CDH4: variants seen among roughly 807,000 people sequenced by gnomAD.
The protein encoded by CDH4 is cadherin-4.
In CDH4, 33 loss-of-function variants were observed where a neutral mutation model predicts 86.0. The ratio of observed to expected loss-of-function variants is 0.38; its 90% CI spans 0.29 to 0.51. The LOEUF (loss-of-function observed/expected upper bound fraction) is 0.51, where lower values mean the gene tolerates loss of function less well. CDH4 is among the 20% of genes least tolerant of loss of function. The pLI is 0.86. For synonymous variants in CDH4, 555 were observed against 549.4 expected (o/e 1.01, Z -0.14); for missense variants, 1,114 against 1,307.4 (o/e 0.85, Z 2.28).
chr20:61,667,199 G>C (rs1019584371), intron 2 of CDH4, among the ~76,000 whole-genome samples: 6 of 152,238 alleles, frequency 3.9e-5, no homozygotes, highest in African/African-American at 1.4e-4. Context: ...GGAGCATGGG[G>C]CCACCCCACC....
rs1458755217 is a variant in CDH4 at position 61,709,921 on chromosome 20, GT to G, written c.170-33635del. Reference sequence around the variant, plus strand: ...CGTCTGTTTTTGTAGCCGTGTGAGAGTTTTTTTCATTAGCGGGATCGGGCAA... The same window carrying G: ...CGTCTGTTTTTGTAGCCGTGTGAGAGTTTTTTCATTAGCGGGATCGGGCAA... On this transcript the variant is annotated intron_variant, in intron 2 of 15. Coordinates refer to ENST00000614565, the MANE Select transcript of CDH4 (RefSeq NM_001794.5). The surrounding 1 kb of genome is among the most constrained non-coding windows in gnomAD (Gnocchi z 4.8). Among the ~76,000 whole-genome samples, 4 of 152,154 alleles carry G rather than the reference GT, an allele frequency of 2.6e-5. No homozygotes were observed. Among genetic ancestry groups the G allele is most frequent in the South Asian group, 2.1e-4 (1 of 4,818 alleles).
intron 2 of CDH4, among the ~76,000 whole-genome samples, chr20:61,692,379 A>G (rs900839060): frequency 3.3e-5 from 5 of 152,160 alleles, no homozygotes; most frequent in Non-Finnish European, 7.3e-5. Context: ...TCAGAGGAAT[A>G]TTTATTATTT....
chr20:61,864,368 G>A (rs1983453847), intron 6 of CDH4, among the ~76,000 whole-genome samples: 1 of 152,222 alleles, frequency 6.6e-6, no homozygotes, highest in Non-Finnish European at 1.5e-5. Flanking sequence ...GAGAAGCCTG[G>A]GGAACCCCCT....
intron 2 of CDH4, among the ~76,000 whole-genome samples, chr20:61,470,470 A>G (rs934971346): frequency 1.3e-5 from 2 of 152,192 alleles, no homozygotes; most frequent in Admixed American, 6.5e-5. Context: ...GTATAAGATC[A>G]TATCATCTGC....
intron 2 of CDH4, chr20:61,719,657 C>T (rs2088008588): frequency 6.4e-6 from 1 of 155,816 alleles, no homozygotes; most frequent in Non-Finnish European, 1.4e-5. Context: ...CCAATGTCCC[C>T]CCAGAAGAGA....
In CDH4 at chr20:61,923,631, G is replaced by A. The variant is rs1175052340; in HGVS notation, c.1555G>A (p.Gly519Ser). The A allele has an allele frequency of 1.2e-6, 2 of 1,614,134 alleles. No homozygotes were observed. The highest frequency in any genetic ancestry group is 1.6e-4 in the Middle Eastern group (1 of 6,062). Residue 519 changes from glycine to serine, a missense_variant, in exon 10 of 16, where the codon GGC becomes AGC. Physicochemically the swap from Gly to Ser is moderately conservative, Grantham distance 56. Transcript: ENST00000614565. ...SNHKLIRLEEGVPPGTVLTTF... is the reference protein window; with the variant it reads ...SNHKLIRLEESVPPGTVLTTF... ...CCACAAGCTGATCCGCCTGGAGGAG[G>A]GCGTGCCCCCCGGCACCGTGCTGAC...
At position 61,796,242 on chromosome 20, in the gene CDH4, G is replaced by A. The variant is rs112640458; in HGVS notation, c.576+23060G>A. On this transcript the variant is annotated intron_variant, in intron 4 of 15. Transcript: ENST00000614565. ...TTCAGAGAGGCTGAGTGACTCCCCT[G>A]AGGCCACACAGCCAGGAATCTCCAG... Among the ~76,000 whole-genome samples, 73 of 152,218 alleles carry A rather than the reference G, an allele frequency of 4.8e-4. 1 individual carries two copies. The highest frequency in any genetic ancestry group is 1.7e-3 in the African/African-American group (70 of 41,546).
intron 2 of CDH4, among the ~76,000 whole-genome samples, chr20:61,713,186 C>G (rs781253383): frequency 2.0e-5 from 3 of 152,226 alleles, no homozygotes; most frequent in Non-Finnish European, 4.4e-5. Flanking sequence ...TGTATCTGCA[C>G]ATCCTCACAA....
intron 9 of CDH4, among the ~76,000 whole-genome samples, chr20:61,911,273 A>T (rs1335225647): frequency 6.6e-6 from 1 of 152,176 alleles, no homozygotes; most frequent in Non-Finnish European, 1.5e-5. Flanking sequence ...TTGGTCAGAT[A>T]TGTTCTTCTA....
intron 2 of CDH4, among the ~76,000 whole-genome samples, chr20:61,578,971 C>T (rs2086405066): frequency 6.6e-6 from 1 of 152,132 alleles, no homozygotes; most frequent in African/African-American, 2.4e-5. Context: ...CTTTCCAGTA[C>T]CCCTGGGCTG....
chr20:61,686,579 G>T (rs1318819339), intron 2 of CDH4, among the ~76,000 whole-genome samples: 1 of 151,738 alleles, frequency 6.6e-6, no homozygotes, highest in Non-Finnish European at 1.5e-5. Context: ...TCGCGTGTGT[G>T]CATTCATGTG....
chr20:61,441,176 A>T (rs1282330075), intron 2 of CDH4, among the ~76,000 whole-genome samples: 2 of 152,190 alleles, frequency 1.3e-5, no homozygotes, highest in Non-Finnish European at 2.9e-5. Context: ...ACAGCGTCCA[A>T]CACCGGCCCT....
Position 61,442,135 on chromosome 20 carries a change from G to A in CDH4, c.169+187198G>A, listed in dbSNP as rs527794229. The stretch of plus-strand genomic sequence containing the variant: ...TTTAAGTGCATCTATTTAGCATGAT[G>A]GATTTGATCAGTCTTTGCTAAATTG... On this transcript the variant is annotated intron_variant, in intron 2 of 15. Coordinates refer to ENST00000614565, the MANE Select transcript of CDH4 (RefSeq NM_001794.5). 1.3e-4 allele frequency among the ~76,000 whole-genome samples: 20 copies of A among 152,250 alleles called. No homozygotes were observed. In the South Asian group the frequency reaches 4.2e-3, roughly 32 times the overall value.
At chr20:61,428,881 G>A (rs1249061275) in intron 2 of CDH4, among the ~76,000 whole-genome samples, 2 of 152,184 alleles carry the variant, frequency 1.3e-5, no homozygotes. Context: ...ATGTTCCAGG[G>A]AAAATTGTGC....
At chr20:61,447,624 C>CT (rs11204461) in intron 2 of CDH4, among the ~76,000 whole-genome samples, 157 of 102,022 alleles carry the variant, frequency 1.5e-3, no homozygotes, top group South Asian at 0.013. Context: ...ATTCTACTTC[C>CT]TTTTTTTTTT....
intron 2 of CDH4, among the ~76,000 whole-genome samples, chr20:61,707,274 C>T (rs984537353): frequency 2.0e-5 from 3 of 152,256 alleles, no homozygotes; most frequent in Non-Finnish European, 4.4e-5. Flanking sequence ...GCATGGAGGC[C>T]CTCTGTCCAC....
At chr20:61,578,028 G>T (rs761825870) in intron 2 of CDH4, among the ~76,000 whole-genome samples, 7 of 152,120 alleles carry the variant, frequency 4.6e-5, no homozygotes, top group Non-Finnish European at 1.0e-4. Context: ...AAGCTTGCCT[G>T]CCCAGCCAGG....
At chr20:61,812,767 C>T (rs1420645033) in intron 4 of CDH4, among the ~76,000 whole-genome samples, 3 of 152,192 alleles carry the variant, frequency 2.0e-5, no homozygotes, top group Admixed American at 1.3e-4. Flanking sequence ...GTACAAAATG[C>T]TTGCAACCTC....
intron 2 of CDH4, among the ~76,000 whole-genome samples, chr20:61,271,052 G>T (rs1420101867): frequency 6.6e-6 from 1 of 152,140 alleles, no homozygotes. Flanking sequence ...TAAATATGAT[G>T]GCAGTGACAG....
Sources: gnomAD v4.1 joint callset for allele counts (sites outside exome capture counted in the v4.1 genomes callset) on GRCh38, gnomAD v4.1.1 for gene constraint, Gnocchi (gnomAD v3.1) non-coding constraint, MANE v1.5 for transcripts, NCBI Gene and HGNC (gene_info 2026-07-23, HGNC 2026-07-21) for gene names.